The following CAMTA1 variants were observed in gnomAD, a reference collection of about 807,000 sequenced individuals.
CAMTA1 encodes the protein calmodulin-binding transcription activator 1.
Under a neutral mutation model 170.9 loss-of-function variants are expected in CAMTA1, and 27 were observed. That is an observed-to-expected ratio of 0.16 (90% CI 0.12 to 0.22). The LOEUF (loss-of-function observed/expected upper bound fraction) is 0.22. Ranked by LOEUF, CAMTA1 falls within the 10% of genes least tolerant of loss-of-function variation. CAMTA1 has a pLI of 1.00. For missense variants in CAMTA1, 1,619 were observed against 2,217.2 expected (o/e 0.73, Z 5.42); for synonymous variants, 833 against 891.5 (o/e 0.93, Z 1.17).
rs3222190 is a variant in CAMTA1 at position 7,547,348 on chromosome 1, GCACACACACA to G, written c.510+79480_510+79489del. On this transcript the variant is annotated intron_variant, in intron 6 of 22. Coordinates refer to ENST00000303635, the MANE Select transcript of CAMTA1 (RefSeq NM_015215.4). This position sits in a 1 kb window ranked among gnomAD's most constrained non-coding sequence, Gnocchi z 5.7. ...GAGCTGGGGAATATATGTATCATAT[GCACACACACA>G]CACACACACACACACACACACACAC... is the stretch of plus-strand genomic sequence containing the variant. Among the ~76,000 whole-genome samples, 1,904 of 144,034 alleles carry G rather than the reference GCACACACACA, an allele frequency of 0.013. 18 individuals carry two copies. Among genetic ancestry groups the G allele is most frequent in the South Asian group, 0.015 (66 of 4,318 alleles). 94.5% of individuals were successfully genotyped at this position (144,034 alleles called of 152,430 possible).
At chr1:7,060,370 TCTC>T (rs1295075191) in intron 3 of CAMTA1, among the ~76,000 whole-genome samples, 1 of 152,182 alleles carries the variant, frequency 6.6e-6, no homozygotes, top group Non-Finnish European at 1.5e-5. Flanking sequence ...TGTGTCCTCA[TCTC>T]CTCTTCTTGT....
At chr1:6,948,807 G>A (rs1338286191) in intron 3 of CAMTA1, among the ~76,000 whole-genome samples, 1 of 152,092 alleles carries the variant, frequency 6.6e-6, no homozygotes, top group Non-Finnish European at 1.5e-5. Flanking sequence ...CCAGGCATTT[G>A]ACCCCCAAAT....
chr1:7,285,813 G>T (rs371252624), intron 5 of CAMTA1, among the ~76,000 whole-genome samples: 3 of 152,168 alleles, frequency 2.0e-5, no homozygotes, highest in African/African-American at 7.2e-5. Context: ...CAGCCACTAT[G>T]ATTAGGTGTC....
At position 7,665,722 on chromosome 1, in the gene CAMTA1, A is replaced by G. The variant is rs909129814; in HGVS notation, c.2652+523A>G. Among the ~76,000 whole-genome samples the G allele has an allele frequency of 6.6e-6, 1 of 152,094 alleles. No individual in the cohort carries two copies. The highest frequency in any genetic ancestry group is 2.4e-5 in the African/African-American group (1 of 41,386). On this transcript the variant is annotated intron_variant, in intron 9 of 22. Transcript: ENST00000303635. The surrounding 1 kb of genome is among the most constrained non-coding windows in gnomAD (Gnocchi z 4.3). ...AGAGTGAAACCCTGTCTCAAAAAAA[A>G]AGAGAGAAAGTCAGGGTATCCTTGG...
intron 7 of CAMTA1, among the ~76,000 whole-genome samples, chr1:7,659,456 C>T (rs2095935456): frequency 6.6e-6 from 1 of 152,122 alleles, no homozygotes; most frequent in Non-Finnish European, 1.5e-5. Flanking sequence ...ATCGCTTGAA[C>T]TCAGGAGGCA....
chr1:6,785,496 G>A lies in CAMTA1; in HGVS notation c.-35G>A. 1.1e-5 allele frequency: 11 copies of A among 1,025,146 alleles called. No individual in the cohort carries two copies. Among genetic ancestry groups the A allele is most frequent in the Non-Finnish European group, 1.3e-5 (11 of 850,314 alleles). 63.5% of individuals were successfully genotyped at this position (1,025,146 alleles called of 1,614,324 possible). Reference sequence around the variant, plus strand: ...GCCGGCGGCGGCGGCGGTACGAGGCGCGCGCTCGGGGTCCCGGTCGCGAGG... The same window carrying A: ...GCCGGCGGCGGCGGCGGTACGAGGCACGCGCTCGGGGTCCCGGTCGCGAGG... On this transcript the variant is annotated 5_prime_UTR_variant, in exon 1 of 23. Coordinates refer to ENST00000303635, the MANE Select transcript of CAMTA1 (RefSeq NM_015215.4).
Position 7,064,526 on chromosome 1 carries a change from A to C in CAMTA1, c.235-26778A>C, listed in dbSNP as rs919200926. Among the ~76,000 whole-genome samples the C allele has an allele frequency of 1.3e-5, 2 of 152,004 alleles. No homozygotes were observed. Among genetic ancestry groups the C allele is most frequent in the African/African-American group, 2.4e-5 (1 of 41,378 alleles). On this transcript the variant is annotated intron_variant, in intron 3 of 22. Coordinates refer to ENST00000303635, the MANE Select transcript of CAMTA1 (RefSeq NM_015215.4). The surrounding 1 kb of genome is among the most constrained non-coding windows in gnomAD (Gnocchi z 5.4). ...AGGAAGAAGTGCTGGGAGGAGGGTGATGGTTGGGGAGGGAGGGGGTAGTCC... is the reference window on the plus strand; with the variant it reads ...AGGAAGAAGTGCTGGGAGGAGGGTGCTGGTTGGGGAGGGAGGGGGTAGTCC...
At chr1:7,440,520 G>C (rs1267349714) in intron 5 of CAMTA1, among the ~76,000 whole-genome samples, 3 of 152,244 alleles carry the variant, frequency 2.0e-5, no homozygotes, top group Non-Finnish European at 4.4e-5. Flanking sequence ...TTAATAATCG[G>C]TTTCCAAAAT....
At chr1:7,403,014 G>A (rs2090020520) in intron 5 of CAMTA1, among the ~76,000 whole-genome samples, 1 of 152,174 alleles carries the variant, frequency 6.6e-6, no homozygotes, top group South Asian at 2.1e-4. Flanking sequence ...TGCCTTATGT[G>A]CCAGGCACTG....
chr1:7,538,512 G>T (rs56238218), intron 6 of CAMTA1, among the ~76,000 whole-genome samples: 1 of 152,194 alleles, frequency 6.6e-6, no homozygotes, highest in African/African-American at 2.4e-5. Context: ...TTAACCAGGT[G>T]TGATGGCAAG....
intron 5 of CAMTA1, among the ~76,000 whole-genome samples, chr1:7,259,602 T>C (rs975615598): frequency 1.3e-5 from 2 of 152,254 alleles, no homozygotes; most frequent in African/African-American, 2.4e-5. Flanking sequence ...TATTTATTTA[T>C]TTATTTTACC....
At chr1:7,181,636 C>G (rs1468296030) in intron 4 of CAMTA1, among the ~76,000 whole-genome samples, 1 of 152,024 alleles carries the variant, frequency 6.6e-6, no homozygotes, top group African/African-American at 2.4e-5. Flanking sequence ...AAAGAAGATA[C>G]TTAGGAATAA....
At chr1:7,152,864 C>T (rs182145538) in intron 4 of CAMTA1, among the ~76,000 whole-genome samples, 14 of 152,308 alleles carry the variant, frequency 9.2e-5, no homozygotes, top group Non-Finnish European at 1.5e-5. Context: ...ACAGATGTTC[C>T]AGGCCGAGGT....
At chr1:7,503,246 C>A (rs550054098) in intron 6 of CAMTA1, among the ~76,000 whole-genome samples, 1 of 152,086 alleles carries the variant, frequency 6.6e-6, no homozygotes, top group Non-Finnish European at 1.5e-5. Context: ...GGCTGGGGGC[C>A]GAGAGCAAGG....
chr1:7,079,957 A>G (rs1030428060), intron 3 of CAMTA1, among the ~76,000 whole-genome samples: 1 of 152,212 alleles, frequency 6.6e-6, no homozygotes, highest in Non-Finnish European at 1.5e-5. Flanking sequence ...TTATCCTTAC[A>G]TGGTCCTGGA....
At chr1:6,902,768 C>T (rs958802967) in intron 3 of CAMTA1, among the ~76,000 whole-genome samples, 1 of 152,232 alleles carries the variant, frequency 6.6e-6, no homozygotes, top group African/African-American at 2.4e-5. Context: ...AGTGAGATGC[C>T]ATCTATTATT....
At chr1:7,595,696 G>A (rs1576303596) in intron 6 of CAMTA1, among the ~76,000 whole-genome samples, 2 of 152,218 alleles carry the variant, frequency 1.3e-5, no homozygotes, top group African/African-American at 4.8e-5. Flanking sequence ...GGCCCAGGCT[G>A]GTTAATAAGA....
At chr1:6,987,741 A>G (rs958031844) in intron 3 of CAMTA1, among the ~76,000 whole-genome samples, 2 of 152,216 alleles carry the variant, frequency 1.3e-5, no homozygotes, top group African/African-American at 4.8e-5. Flanking sequence ...TGGGAGGCAC[A>G]GGACTAAATC....
In CAMTA1 at chr1:7,234,787, C is replaced by A. The variant is rs1574085526; in HGVS notation, c.303-14704C>A. On this transcript the variant is annotated intron_variant, in intron 4 of 22. Coordinates refer to ENST00000303635, the MANE Select transcript of CAMTA1 (RefSeq NM_015215.4). This position sits in a 1 kb window ranked among gnomAD's most constrained non-coding sequence, Gnocchi z 5.0. Reference sequence around the variant, plus strand: ...TGGGAAATTGGAAAATACAAGTTGACCTTTTTTTTTTTTTTTTTAGATAGA... The same window carrying A: ...TGGGAAATTGGAAAATACAAGTTGAACTTTTTTTTTTTTTTTTTAGATAGA... Among the ~76,000 whole-genome samples the A allele has an allele frequency of 9.7e-6, 1 of 103,554 alleles. No individual in the cohort carries two copies. The highest frequency in any genetic ancestry group is 1.9e-5 in the Non-Finnish European group (1 of 53,248). 67.9% of individuals were successfully genotyped at this position (103,554 alleles called of 152,430 possible). A position where few individuals can be genotyped will look rare whatever the true frequency, so the allele number is the denominator to read the frequency against.
Sources: allele counts gnomAD v4.1 joint callset (sites outside exome capture counted in the v4.1 genomes callset), GRCh38; gene constraint gnomAD v4.1.1; non-coding constraint Gnocchi (gnomAD v3.1); transcripts MANE v1.5; gene names NCBI Gene and HGNC (gene_info 2026-07-23, HGNC 2026-07-21).